CFTR: variants seen among roughly 807,000 people sequenced by gnomAD.
The protein encoded by CFTR is cystic fibrosis transmembrane conductance regulator.
A neutral mutation model predicts 171.6 loss-of-function variants in CFTR; 181 were observed. The ratio of observed to expected loss-of-function variants is 1.05; its 90% CI spans 0.93 to 1.19. CFTR has a LOEUF of 1.19. Among genes scored for constraint, CFTR ranks in the 50% most tolerant of loss-of-function variants. The probability of loss-of-function intolerance (pLI) is 0.00; values close to 1 mark genes in which losing one functional copy is unlikely to be tolerated. For missense variants in CFTR, 1,968 were observed against 1,734.7 expected (o/e 1.13, Z -2.39); for synonymous variants, 583 against 608.0 (o/e 0.96, Z 0.60).
chr7:117,573,772 A>G (rs991516548), intron 11 of CFTR, among the ~76,000 whole-genome samples: 8 of 152,140 alleles, frequency 5.3e-5, no homozygotes, highest in African/African-American at 1.9e-4. Context: ...AATTGAACAC[A>G]ATATTAAAAC....
intron 11 of CFTR, among the ~76,000 whole-genome samples, chr7:117,570,809 T>C (rs1046252383): frequency 1.3e-5 from 2 of 152,226 alleles, no homozygotes; most frequent in South Asian, 2.1e-4. Context: ...ATAAATTTTC[T>C]ATTTGTAAAG....
At chr7:117,588,575 T>G (rs1584810626) in intron 12 of CFTR, among the ~76,000 whole-genome samples, 1 of 152,152 alleles carries the variant, frequency 6.6e-6, no homozygotes, top group East Asian at 1.9e-4. Flanking sequence ...CTCATTGATG[T>G]TTTGGCTCCT....
chr7:117,664,967 G>A (rs769116892), intron 25 of CFTR, 107 bp downstream of exon 25: 1 of 1,196,904 alleles, frequency 8.4e-7, no homozygotes, highest in East Asian at 2.3e-5. Context: ...TGCGTGTGGG[G>A]GTCTCCCCCA....
At chr7:117,665,632 A>AGATTGT in intron 26 of CFTR, 68 bp downstream of exon 26, 1 of 991,218 alleles carries the variant, frequency 1.0e-6, no homozygotes, top group Non-Finnish European at 1.6e-6. Context: ...CTCACATGTG[A>AGATTGT]TAGTTCCTGC....
intron 1 of CFTR, 91 bp downstream of exon 1, chr7:117,480,238 G>C: frequency 1.7e-6 from 2 of 1,194,034 alleles, no homozygotes; most frequent in East Asian, 2.3e-5. Context: ...AAAGGAATAA[G>C]CAGTTTTTAA....
intron 3 of CFTR, among the ~76,000 whole-genome samples, chr7:117,516,572 G>A (rs1262465941): frequency 6.6e-6 from 1 of 152,178 alleles, no homozygotes; most frequent in African/African-American, 2.4e-5. Context: ...ATAACAGTTT[G>A]TTTTTGATTT....
chr7:117,502,192 C>G (rs1054294620), intron 1 of CFTR, among the ~76,000 whole-genome samples: 1 of 152,164 alleles, frequency 6.6e-6, no homozygotes, highest in East Asian at 1.9e-4. Flanking sequence ...TAGCACAACC[C>G]AGCATACCAA....
intron 1 of CFTR, among the ~76,000 whole-genome samples, chr7:117,496,206 C>T (rs530491492): frequency 2.0e-5 from 3 of 151,928 alleles, no homozygotes; most frequent in Admixed American, 2.0e-4. Context: ...GTGCATCATT[C>T]TTTTTTATTT....
intron 10 of CFTR, among the ~76,000 whole-genome samples, chr7:117,550,779 C>T (rs1002269466): frequency 3.9e-5 from 6 of 152,104 alleles, no homozygotes; most frequent in African/African-American, 1.4e-4. Context: ...TACTGGCTGA[C>T]AGTGCAGTTA....
chr7:117,609,413 A>G, intron 18 of CFTR, among the ~76,000 whole-genome samples: 1 of 152,166 alleles, frequency 6.6e-6, no homozygotes, highest in East Asian at 1.9e-4. Context: ...GAACTGGCTC[A>G]CTGAACAGCA....
chr7:117,531,118 ATACT>A lies in CFTR; in HGVS notation c.489+6_489+9del. On this transcript the variant is annotated splice_donor_5th_base_variant and intron_variant, in intron 4 of 26. Transcript: ENST00000003084. The stretch of plus-strand genomic sequence containing the variant: ...GTTTAGTTTGATTTATAAGAAGGTA[ATACT>A]TCCTTGCACAGGCCCCATGGCACAT... 1 of 1,604,362 alleles carries A rather than the reference ATACT, an allele frequency of 6.2e-7. No individual in the cohort carries two copies. The highest frequency in any genetic ancestry group is 1.1e-5 in the South Asian group (1 of 90,368).
chr7:117,648,389 G>A (rs897358858), intron 23 of CFTR, among the ~76,000 whole-genome samples: 3 of 152,112 alleles, frequency 2.0e-5, no homozygotes, highest in Admixed American at 6.6e-5. Context: ...ATAGCCTCAC[G>A]TGTTGCCACT....
chr7:117,581,443 C>T (rs1174441897), intron 11 of CFTR, among the ~76,000 whole-genome samples: 1 of 151,972 alleles, frequency 6.6e-6, no homozygotes, highest in Non-Finnish European at 1.5e-5. Context: ...ACACTCTATT[C>T]AAGGATAAAT....
rs764945997 is a variant in CFTR at position 117,535,525 on chromosome 7, A to ATTTTTT, written c.743+131_743+136dup. On this transcript the variant is annotated intron_variant, in intron 6 of 26. Transcript: ENST00000003084. ...GAACAGTGATCTTCAGTGTCATTAAATTTTTTTTTTTTTTTTTTTTTTGAG... is the reference window on the plus strand; with the variant it reads ...GAACAGTGATCTTCAGTGTCATTAAATTTTTTTTTTTTTTTTTTTTTTTTTTTTGAG... 1.5e-4 allele frequency: 75 copies of ATTTTTT among 500,340 alleles called. 1 individual carries two copies. The African/African-American group carries it at 1.6e-3, about 11-fold the overall frequency. The allele number at this position is 500,340 out of a possible 1,614,324, so 31.0% of individuals were successfully genotyped here. A position where few individuals can be genotyped will look rare whatever the true frequency, so the allele number is the denominator to read the frequency against.
intron 22 of CFTR, among the ~76,000 whole-genome samples, chr7:117,632,155 G>C (rs34448325): frequency 0.016 from 2,436 of 152,192 alleles, 21 homozygotes; most frequent in Non-Finnish European, 0.025. Flanking sequence ...GTTCATTCTT[G>C]GGCCCCAACA....
chr7:117,572,521 C>T (rs1176431520), intron 11 of CFTR, among the ~76,000 whole-genome samples: 1 of 152,156 alleles, frequency 6.6e-6, no homozygotes, highest in African/African-American at 2.4e-5. Flanking sequence ...AGATATCATA[C>T]AGGGCCATGT....
At chr7:117,600,174 C>T (rs1792201203) in intron 15 of CFTR, among the ~76,000 whole-genome samples, 2 of 151,848 alleles carry the variant, frequency 1.3e-5, no homozygotes, top group African/African-American at 4.8e-5. Flanking sequence ...TAGCACTTAC[C>T]ATTTTGGAAA....
chr7:117,586,871 T>C (rs1791943086), intron 11 of CFTR, among the ~76,000 whole-genome samples: 1 of 152,128 alleles, frequency 6.6e-6, no homozygotes, highest in African/African-American at 2.4e-5. Context: ...CTCTAGGGTA[T>C]TCTATCTATT....
At chr7:117,647,679 CA>C (rs71788584) in intron 23 of CFTR, among the ~76,000 whole-genome samples, 62,673 of 142,706 alleles carry the variant, frequency 0.44, 15,975 homozygotes, top group African/African-American at 0.74. Context: ...CAGCTAATAC[CA>C]AAAAAAAAAA....
Sources: gnomAD v4.1 joint callset for allele counts (sites outside exome capture counted in the v4.1 genomes callset) on GRCh38, gnomAD v4.1.1 for gene constraint, MANE v1.5 for transcripts, NCBI Gene and HGNC (gene_info 2026-07-23, HGNC 2026-07-21) for gene names.